The following ANXA4 variants were observed in gnomAD, a reference collection of about 807,000 sequenced individuals.
The protein encoded by ANXA4 is annexin A4, also known as 35-beta calcimedin.
Under a neutral mutation model 49.8 loss-of-function variants are expected in ANXA4, and 39 were observed. The ratio of observed to expected loss-of-function variants is 0.78; its 90% CI spans 0.61 to 1.02. ANXA4 has a LOEUF of 1.02. Ranked by LOEUF, ANXA4 falls within the 50% of genes least tolerant of loss-of-function variation. The probability of loss-of-function intolerance (pLI) is 0.00; values close to 1 mark genes in which losing one functional copy is unlikely to be tolerated. For missense variants in ANXA4, 360 were observed against 410.1 expected, an observed-to-expected ratio of 0.88 and a Z score of 1.05; for synonymous variants, 134 against 152.5, an observed-to-expected ratio of 0.88 and a Z score of 0.89.
At chr2:69,717,974 G>A (rs1189434169) in intron 2 of ANXA4, among the ~76,000 whole-genome samples, 1 of 152,188 alleles carries the variant, frequency 6.6e-6, no homozygotes, top group East Asian at 1.9e-4. Flanking sequence ...ACCCTGGCTA[G>A]GGAGATGCTT....
intron 2 of ANXA4, among the ~76,000 whole-genome samples, chr2:69,690,944 T>C (rs1288937574): frequency 1.3e-5 from 2 of 152,134 alleles, no homozygotes; most frequent in Non-Finnish European, 2.9e-5. Context: ...CATCCTGAAA[T>C]AACCAAGAAA....
rs372200404 is a variant in ANXA4 at position 69,664,494 on chromosome 2, A to G, written n.766+11212A>G. Among the ~76,000 whole-genome samples, 10 of 152,308 alleles carry G rather than the reference A, an allele frequency of 6.6e-5. No individual in the cohort carries two copies. The South Asian group carries it at 2.1e-3, about 32-fold the overall frequency. On this transcript the variant is annotated intron_variant and non_coding_transcript_variant, in intron 2 of 3. Transcript: ENST00000418066. ...TATGTGCACTTACTATGTGCCAGTC[A>G]TTATTCTAGGTGATTCACATCAATG...
Position 69,812,233 on chromosome 2 carries a change from C to G in ANXA4, c.478-420C>G, listed in dbSNP as rs1025866029. 3.2e-4 allele frequency among the ~76,000 whole-genome samples: 48 copies of G among 152,114 alleles called. 1 individual carries two copies. Among genetic ancestry groups the G allele is most frequent in the Middle Eastern group, 3.4e-3 (1 of 294 alleles). On this transcript the variant is annotated intron_variant, in intron 7 of 12. Coordinates refer to ENST00000394295, the MANE Select transcript of ANXA4 (RefSeq NM_001153.5). ...AACTCCTGGCCTCAAGACATCCTCCCACCTCAGCCTCGAGTAGCTGGAACT... is the reference window on the plus strand; with the variant it reads ...AACTCCTGGCCTCAAGACATCCTCCGACCTCAGCCTCGAGTAGCTGGAACT...
At chr2:69,825,066 C>CA (rs10565929) in intron 12 of ANXA4, among the ~76,000 whole-genome samples, 852 of 51,118 alleles carry the variant, frequency 0.017, 10 homozygotes, top group Non-Finnish European at 0.017. Flanking sequence ...GACTCTGTCT[C>CA]AAAAAAAAAA....
chr2:69,693,435 A>T (rs1678043030), intron 2 of ANXA4, among the ~76,000 whole-genome samples: 1 of 152,262 alleles, frequency 6.6e-6, no homozygotes, highest in African/African-American at 2.4e-5. Flanking sequence ...ACTGAGGAGC[A>T]TGTTTCCATG....
intron 2 of ANXA4, among the ~76,000 whole-genome samples, chr2:69,672,252 G>A (rs999406779): frequency 6.6e-6 from 1 of 150,566 alleles, no homozygotes; most frequent in Non-Finnish European, 1.5e-5. Flanking sequence ...TATTTATTGA[G>A]ACAGAATGTC....
chr2:69,650,367 C>G (rs1676187267), intron 1 of ANXA4, among the ~76,000 whole-genome samples: 1 of 152,170 alleles, frequency 6.6e-6, no homozygotes, highest in South Asian at 2.1e-4. Context: ...ATTCACTGAT[C>G]CAGTAAACAA....
chr2:69,684,190 A>G (rs1426346293), intron 2 of ANXA4, among the ~76,000 whole-genome samples: 4 of 152,212 alleles, frequency 2.6e-5, no homozygotes, highest in African/African-American at 9.6e-5. Flanking sequence ...ACTCTATACC[A>G]TGCTTCACTT....
chr2:69,658,104 C>CA (rs562347646), intron 2 of ANXA4, among the ~76,000 whole-genome samples: 173 of 148,490 alleles, frequency 1.2e-3, no homozygotes, highest in African/African-American at 3.4e-3. Context: ...CTGTCAAAAG[C>CA]AAAAAAAAAT....
At chr2:69,678,778 T>C (rs1677496956) in intron 2 of ANXA4, among the ~76,000 whole-genome samples, 1 of 152,170 alleles carries the variant, frequency 6.6e-6, no homozygotes, top group Admixed American at 6.5e-5. Flanking sequence ...CACGAGGCAT[T>C]TATTTGTTAA....
intron 2 of ANXA4, among the ~76,000 whole-genome samples, chr2:69,689,474 C>A (rs905476973): frequency 6.6e-6 from 1 of 152,016 alleles, no homozygotes; most frequent in Non-Finnish European, 1.5e-5. Context: ...TTGAAAATCC[C>A]AATTCTCAAA....
chr2:69,697,534 C>T (rs1423954848), intron 2 of ANXA4, among the ~76,000 whole-genome samples: 2 of 152,186 alleles, frequency 1.3e-5, no homozygotes, highest in African/African-American at 2.4e-5. Flanking sequence ...CCTTTGCATT[C>T]ACAACTTGGC....
chr2:69,657,069 A>T (rs901314000), intron 2 of ANXA4, among the ~76,000 whole-genome samples: 5 of 149,952 alleles, frequency 3.3e-5, no homozygotes. Context: ...ATCTCAGCAC[A>T]CTGCAACCTC....
At chr2:69,651,861 G>C (rs1455269563) in intron 1 of ANXA4, among the ~76,000 whole-genome samples, 4 of 143,538 alleles carry the variant, frequency 2.8e-5, no homozygotes, top group African/African-American at 8.0e-5. Context: ...TGTTGACCAG[G>C]CTGGAGTGCA....
At chr2:69,691,933 T>G (rs533000426) in intron 2 of ANXA4, among the ~76,000 whole-genome samples, 37 of 152,374 alleles carry the variant, frequency 2.4e-4, no homozygotes, top group Non-Finnish European at 5.0e-4. Context: ...TCACCCAGGC[T>G]GGAGTGCAGT....
chr2:69,759,322 T>C (rs995795897), intron 1 of ANXA4, among the ~76,000 whole-genome samples: 1 of 152,160 alleles, frequency 6.6e-6, no homozygotes, highest in African/African-American at 2.4e-5. Context: ...ATACTGTGAT[T>C]ACAACTGTGC....
chr2:69,778,918 T>C (rs13027588), intron 1 of ANXA4, among the ~76,000 whole-genome samples: 1 of 150,422 alleles, frequency 6.6e-6, no homozygotes, highest in African/African-American at 2.4e-5. Context: ...GCCAATATGG[T>C]GAAATCCTGT....
intron 2 of ANXA4, among the ~76,000 whole-genome samples, chr2:69,663,293 C>CTTGTTTTTT (rs1676798157): frequency 2.3e-5 from 1 of 42,822 alleles, no homozygotes; most frequent in African/African-American, 9.2e-5. Context: ...TGCACCCGGC[C>CTTGTTTTTT]TTTTTTTTTT....
rs542948096 is a variant in ANXA4, at chr2:69,705,170, A to C, written n.767-15604A>C. On this transcript the variant is annotated intron_variant and non_coding_transcript_variant, in intron 2 of 3. Coordinates refer to the ANXA4 transcript ENST00000418066. ...AATTAGCCAAGCGTGGTGGTGTGCA[A>C]CTGTGGTCCCAGCTACTTGAGAGGC... 3.2e-3 allele frequency among the ~76,000 whole-genome samples: 485 copies of C among 151,990 alleles called. 6 individuals carry two copies. Among genetic ancestry groups the C allele is most frequent in the Non-Finnish European group, 2.7e-3 (185 of 67,952 alleles).
Sources: allele counts gnomAD v4.1 joint callset (sites outside exome capture counted in the v4.1 genomes callset), GRCh38; gene constraint gnomAD v4.1.1; transcripts MANE v1.5; gene names NCBI Gene and HGNC (gene_info 2026-07-23, HGNC 2026-07-21).